The following ZNF616 variants were observed in gnomAD, a reference collection of about 807,000 sequenced individuals.
ZNF616 encodes zinc finger protein 616.
Under a neutral mutation model 7.6 loss-of-function variants are expected in ZNF616, and 5 were observed. That is an observed-to-expected ratio of 0.66 (90% confidence interval 0.34 to 1.38). The LOEUF (loss-of-function observed/expected upper bound fraction) is 1.38. ZNF616 is among the 40% of genes most tolerant of loss of function. The pLI is 0.04. For missense variants in ZNF616, 913 were observed against 948.3 expected, an observed-to-expected ratio of 0.96 and a Z score of 0.49; for synonymous variants, 319 against 317.2, an observed-to-expected ratio of 1.01 and a Z score of -0.06.
intron 2 of ZNF616, among the ~76,000 whole-genome samples, chr19:52,126,639 G>A (rs1428193665): frequency 2.0e-5 from 3 of 151,818 alleles, no homozygotes; most frequent in African/African-American, 7.3e-5. Context: ...GTGGTGGCAC[G>A]TGCCTGTAGT....
rs181917952 is a variant in ZNF616, at chr19:52,120,403, A to C, written c.140-3379T>G. ...ACAAAGGCAGTAACGGATATGAAGA[A>C]CAAAAAAATCTAAGAGATATAGGAA... On this transcript the variant is annotated intron_variant, in intron 3 of 3. Transcript: ENST00000600228. 4.7e-3 allele frequency among the ~76,000 whole-genome samples: 722 copies of C among 152,364 alleles called. 13 individuals are homozygous for C. Among genetic ancestry groups the C allele is most frequent in the African/African-American group, 0.017 (697 of 41,588 alleles).
rs2089036235 is a variant in ZNF616 at position 52,139,025 on chromosome 19, G to T, written c.-77+707C>A. 6.6e-6 allele frequency among the ~76,000 whole-genome samples: 1 copy of T among 151,988 alleles called. No individual in the cohort carries two copies. Among genetic ancestry groups the T allele is most frequent in the African/African-American group, 2.4e-5 (1 of 41,384 alleles). ...AATTTCTTTATGTGCTTTTCTCCCC[G>T]TGCTACTTTCTCCATGCGTCCTCTT... On this transcript the variant is annotated intron_variant, in intron 1 of 3. Transcript: ENST00000600228. The surrounding 1 kb of genome is among the most constrained non-coding windows in gnomAD (Gnocchi z 4.1).
rs2088809351 is a variant in ZNF616, at chr19:52,115,339, C to G, written c.1825G>C (p.Glu609Gln). 2 of 1,614,092 alleles carry G rather than the reference C, an allele frequency of 1.2e-6. No homozygotes were observed. The highest frequency in any genetic ancestry group is 1.7e-6 in the Non-Finnish European group (2 of 1,180,006). Residue 609 changes from glutamate (E) to glutamine (Q), a missense_variant, in exon 4 of 4, where the codon GAA becomes CAA. Coordinates refer to ENST00000600228, the MANE Select transcript of ZNF616 (RefSeq NM_178523.5). ...CCCTGATTAAAGGCTTTGCCACATTCATGACATTTGTATGGTTTCTCTCCA... is the reference window on the plus strand; with the variant it reads ...CCCTGATTAAAGGCTTTGCCACATTGATGACATTTGTATGGTTTCTCTCCA... Reference protein sequence around the residue: ...HTGEKPYKCHECGKAFNQGST... With the variant: ...HTGEKPYKCHQCGKAFNQGST...
chr19:52,127,582 C>A (rs1039610858), intron 2 of ZNF616, among the ~76,000 whole-genome samples: 9 of 151,978 alleles, frequency 5.9e-5, no homozygotes, highest in African/African-American at 2.2e-4. Context: ...CTTAAAAAAA[C>A]ACAGTATTTT....
intron 1 of ZNF616, among the ~76,000 whole-genome samples, chr19:52,137,055 A>G (rs202019766): frequency 0.13 from 6,206 of 47,894 alleles, 429 homozygotes; most frequent in African/African-American, 0.36. Flanking sequence ...ATGTATGTGT[A>G]TATATATATA....
chr19:52,128,912 T>A (rs1204244454), intron 2 of ZNF616, among the ~76,000 whole-genome samples: 2 of 152,020 alleles, frequency 1.3e-5, no homozygotes, highest in Non-Finnish European at 2.9e-5. Flanking sequence ...GTTACTTTTT[T>A]TTTTTTTCCC....
intron 3 of ZNF616, among the ~76,000 whole-genome samples, chr19:52,120,438 A>C (rs1235556625): frequency 2.0e-5 from 3 of 152,236 alleles, no homozygotes; most frequent in Non-Finnish European, 4.4e-5. Flanking sequence ...AACATTCAGC[A>C]AAACAGCAAG....
intron 3 of ZNF616, among the ~76,000 whole-genome samples, chr19:52,123,343 CG>C (rs2088879223): frequency 6.6e-6 from 1 of 151,888 alleles, no homozygotes; most frequent in Non-Finnish European, 1.5e-5. Context: ...GAGGCTGAGG[CG>C]GGTGGATCAC....
At chr19:52,122,228 G>C (rs1168435252) in intron 3 of ZNF616, 1 of 152,144 alleles carries the variant, frequency 6.6e-6, no homozygotes, top group Admixed American at 6.5e-5. Flanking sequence ...GCTCACGTCT[G>C]TAATCCCAGC....
At chr19:52,125,763 G>T (rs1463667240) in intron 2 of ZNF616, among the ~76,000 whole-genome samples, 1 of 152,196 alleles carries the variant, frequency 6.6e-6, no homozygotes, top group East Asian at 1.9e-4. Flanking sequence ...TGCCTTAGTG[G>T]TGACCTCCTG....
chr19:52,137,495 G>A (rs1243906450), intron 1 of ZNF616, among the ~76,000 whole-genome samples: 2 of 152,072 alleles, frequency 1.3e-5, no homozygotes, highest in South Asian at 2.1e-4. Context: ...GAATCTGGAG[G>A]ACATTATGCT....
At chr19:52,132,076 C>T (rs1016776865) in intron 1 of ZNF616, among the ~76,000 whole-genome samples, 3 of 152,148 alleles carry the variant, frequency 2.0e-5, no homozygotes, top group Non-Finnish European at 4.4e-5. Context: ...GCTCACAGCA[C>T]TTTTAGAAAC....
chr19:52,132,843 A>G (rs975290852), intron 1 of ZNF616, among the ~76,000 whole-genome samples: 1 of 152,210 alleles, frequency 6.6e-6, no homozygotes, highest in Non-Finnish European at 1.5e-5. Flanking sequence ...TGGGGTTTAA[A>G]GCCATGAGAT....
chr19:52,121,573 A>G (rs1413882639), intron 3 of ZNF616, among the ~76,000 whole-genome samples: 1 of 152,202 alleles, frequency 6.6e-6, no homozygotes, highest in African/African-American at 2.4e-5. Context: ...AAAATAGAAG[A>G]TCTCCAATAG....
intron 1 of ZNF616, among the ~76,000 whole-genome samples, chr19:52,137,055 A>ATATG (rs144186412): frequency 4.2e-5 from 2 of 47,922 alleles, no homozygotes; most frequent in Non-Finnish European, 9.5e-5. Flanking sequence ...ATGTATGTGT[A>ATATG]TATATATATA....
chr19:52,124,485 G>A (rs1447821976), intron 2 of ZNF616, among the ~76,000 whole-genome samples: 2 of 152,156 alleles, frequency 1.3e-5, no homozygotes, highest in African/African-American at 4.8e-5. Flanking sequence ...CACGTGCTGG[G>A]CATTATTCCA....
At chr19:52,135,202 T>C (rs2088997046) in intron 1 of ZNF616, among the ~76,000 whole-genome samples, 1 of 151,994 alleles carries the variant, frequency 6.6e-6, no homozygotes, top group South Asian at 2.1e-4. Context: ...TCCCAGATAC[T>C]CCATAGTGCT....
In ZNF616 at chr19:52,123,925, AG is replaced by A. The variant is rs2088883622; in HGVS notation, c.136del (p.Leu46Ter). The A allele has an allele frequency of 6.2e-7, 1 of 1,613,912 alleles. No individual in the cohort carries two copies. The highest frequency in any genetic ancestry group is 8.5e-7 in the Non-Finnish European group (1 of 1,179,888). On this transcript the variant is annotated frameshift_variant, in exon 3 of 4. Coordinates refer to ENST00000600228, the MANE Select transcript of ZNF616 (RefSeq NM_178523.5). LOFTEE classifies it low-confidence loss of function (END_TRUNC). ...TTCTAGAAGGAAATTATACTCACCT[AG>A]GAAGACCAGGTTCCTATAGTTCTCC... ...MLENYRNLVF[L>X]GISPKCVIKE...
chr19:52,114,646 T>C lies in ZNF616; in HGVS notation c.*172A>G, dbSNP rs956074733. ...CAGGACAGCACCAAGGGGATGACGC[T>C]ACATCTTTCTCAGTTTGAGAAATCC... is the stretch of plus-strand genomic sequence containing the variant. On this transcript the variant is annotated 3_prime_UTR_variant, in exon 4 of 4. Coordinates refer to ENST00000600228, the MANE Select transcript of ZNF616 (RefSeq NM_178523.5). 9.2e-6 allele frequency: 7 copies of C among 756,954 alleles called. No homozygotes were observed. The highest frequency in any genetic ancestry group is 8.9e-5 in the African/African-American group (5 of 56,374). 46.9% of individuals were successfully genotyped at this position (756,954 alleles called of 1,614,324 possible).
Sources: gnomAD v4.1 joint callset for allele counts (sites outside exome capture counted in the v4.1 genomes callset) on GRCh38, gnomAD v4.1.1 for gene constraint, Gnocchi (gnomAD v3.1) non-coding constraint, MANE v1.5 for transcripts, NCBI Gene and HGNC (gene_info 2026-07-23, HGNC 2026-07-21) for gene names.